The following SRRM4 variants were observed in gnomAD, a reference collection of about 807,000 sequenced individuals.
SRRM4 encodes the protein serine/arginine repetitive matrix 4.
SRRM4 carries 33 observed loss-of-function variants against 68.9 expected under a neutral mutation model. The observed-to-expected ratio is 0.48, with a 90% CI of 0.36 to 0.64. SRRM4 has a LOEUF of 0.64. Ranked by LOEUF, SRRM4 falls within the 30% of genes least tolerant of loss-of-function variation. The pLI is 0.00. For synonymous variants in SRRM4, 318 were observed against 318.8 expected, an observed-to-expected ratio of 1.00 and a Z score of 0.03; for missense variants, 817 against 827.1, an observed-to-expected ratio of 0.99 and a Z score of 0.15.
chr12:119,127,681 T>C (rs967291387), intron 7 of SRRM4, among the ~76,000 whole-genome samples: 1 of 150,076 alleles, frequency 6.7e-6, no homozygotes, highest in Admixed American at 6.6e-5. Flanking sequence ...TGAGCCAAGA[T>C]TGCACCATTG....
intron 1 of SRRM4, among the ~76,000 whole-genome samples, chr12:119,016,481 G>GAAAAA (rs1473835287): frequency 6.8e-6 from 1 of 146,696 alleles, no homozygotes; most frequent in East Asian, 2.0e-4. Context: ...AAAAGAAAAA[G>GAAAAA]AAAAAATAGA....
At chr12:119,111,548 CTAA>C (rs1451355823) in intron 2 of SRRM4, among the ~76,000 whole-genome samples, 1 of 152,182 alleles carries the variant, frequency 6.6e-6, no homozygotes, top group Non-Finnish European at 1.5e-5. Flanking sequence ...AAGACACACT[CTAA>C]AAGATTTTTT....
At chr12:119,052,675 C>T (rs1296203623) in intron 1 of SRRM4, among the ~76,000 whole-genome samples, 1 of 152,068 alleles carries the variant, frequency 6.6e-6, no homozygotes, top group East Asian at 1.9e-4. Context: ...ACTACAGGCA[C>T]CCGCCACCAC....
chr12:118,997,132 A>G (rs75854073), intron 1 of SRRM4, among the ~76,000 whole-genome samples: 1,756 of 152,358 alleles, frequency 0.012, 29 homozygotes, highest in African/African-American at 0.04. Flanking sequence ...TTAACCATAC[A>G]TGCTCTTGAC....
chr12:119,156,924 A>C lies in SRRM4; in HGVS notation c.*126A>C, dbSNP rs1954477861. 8.1e-7 allele frequency: 1 copy of C among 1,229,902 alleles called. No individual in the cohort carries two copies. The highest frequency in any genetic ancestry group is 1.5e-5 in the African/African-American group (1 of 65,616). The allele number at this position is 1,229,902 out of a possible 1,614,324, so 76.2% of individuals were successfully genotyped here. ...TATACCTTGTCCTTCCTGCTTGCCT[A>C]GGGGAAGAGGAGAAGAGGGTAAGGG... On this transcript the variant is annotated 3_prime_UTR_variant, in exon 13 of 13. Transcript: ENST00000267260.
chr12:119,161,850 A>G lies in SRRM4; in HGVS notation c.*5052A>G, dbSNP rs1954516070. On this transcript the variant is annotated 3_prime_UTR_variant, in exon 13 of 13. Coordinates refer to ENST00000267260, the MANE Select transcript of SRRM4 (RefSeq NM_194286.4). ...TAATGGAAGAATAAAATGCCTACAC[A>G]TGAACCAACTTCTATTAAAAAGTCA... 6.6e-6 allele frequency: 1 copy of G among 152,422 alleles called. No individual in the cohort carries two copies. The highest frequency in any genetic ancestry group is 2.4e-5 in the African/African-American group (1 of 41,462). 9.4% of individuals were successfully genotyped at this position (152,422 alleles called of 1,614,324 possible).
At chr12:119,093,724 C>T (rs1721533591) in intron 1 of SRRM4, among the ~76,000 whole-genome samples, 1 of 152,184 alleles carries the variant, frequency 6.6e-6, no homozygotes, top group African/African-American at 2.4e-5. Flanking sequence ...CCCAGCATCA[C>T]CTAATTACCT....
chr12:119,040,609 T>A (rs1467146912), intron 1 of SRRM4, among the ~76,000 whole-genome samples: 1 of 152,206 alleles, frequency 6.6e-6, no homozygotes, highest in African/African-American at 2.4e-5. Context: ...TTGATTTGGG[T>A]TGGTTCTATG....
chr12:119,094,985 A>G (rs1385713699), intron 1 of SRRM4, among the ~76,000 whole-genome samples: 1 of 152,232 alleles, frequency 6.6e-6, no homozygotes, highest in Admixed American at 6.5e-5. Context: ...TAAAATGAAC[A>G]TTACTGCCCC....
intron 1 of SRRM4, among the ~76,000 whole-genome samples, chr12:119,074,385 T>C (rs1264862088): frequency 1.3e-5 from 2 of 152,200 alleles, no homozygotes; most frequent in African/African-American, 4.8e-5. Context: ...AGCACCATCT[T>C]TGTGAGCCAA....
chr12:119,075,092 A>C (rs995414915), intron 1 of SRRM4, among the ~76,000 whole-genome samples: 1 of 152,202 alleles, frequency 6.6e-6, no homozygotes, highest in African/African-American at 2.4e-5. Flanking sequence ...GTAAGGTCTG[A>C]TGGATCAGGT....
intron 1 of SRRM4, among the ~76,000 whole-genome samples, chr12:119,082,296 A>AC (rs1158384852): frequency 1.3e-5 from 2 of 150,746 alleles, no homozygotes; most frequent in African/African-American, 4.9e-5. Flanking sequence ...ATGTAAAGCC[A>AC]CCCCCCATCC....
intron 1 of SRRM4, among the ~76,000 whole-genome samples, chr12:119,056,509 C>G (rs1395614646): frequency 6.6e-6 from 1 of 152,176 alleles, no homozygotes; most frequent in East Asian, 1.9e-4. Context: ...TTGCTGTGAC[C>G]TGCAAGGCAT....
At chr12:119,016,464 A>G (rs190082713) in intron 1 of SRRM4, among the ~76,000 whole-genome samples, 10 of 136,216 alleles carry the variant, frequency 7.3e-5, no homozygotes, top group Admixed American at 5.2e-4. Flanking sequence ...TAAAAAAAAA[A>G]AAAAGAAAAA....
chr12:119,145,293 C>T, intron 8 of SRRM4, 88 bp from the exon 9 acceptor site: 2 of 1,116,862 alleles, frequency 1.8e-6, no homozygotes, highest in Non-Finnish European at 2.5e-6. Flanking sequence ...CGTTACAGTG[C>T]ATCATGACGG....
At chr12:119,100,044 C>T (rs1954068643) in intron 1 of SRRM4, among the ~76,000 whole-genome samples, 1 of 152,174 alleles carries the variant, frequency 6.6e-6, no homozygotes. Context: ...AGAACACATT[C>T]TAAACCACCC....
Position 119,156,448 on chromosome 12 carries a change from G to A in SRRM4, c.1533-47G>A, listed in dbSNP as rs1018588306. ...ACAAGACTGGGGCTCGCTGCGGGGA[G>A]GCACGGAGGGGCCGGCCCTCATCCC... On this transcript the variant is annotated intron_variant, in intron 12 of 12. Transcript: ENST00000267260. 3.3e-6 allele frequency: 5 copies of A among 1,527,666 alleles called. No individual in the cohort carries two copies. In the African/African-American group the frequency reaches 6.9e-5, roughly 21 times the overall value. The allele number at this position is 1,527,666 out of a possible 1,614,324, so 94.6% of individuals were successfully genotyped here.
intron 10 of SRRM4, among the ~76,000 whole-genome samples, chr12:119,152,877 A>G (rs1203198990): frequency 6.6e-6 from 1 of 152,242 alleles, no homozygotes; most frequent in Non-Finnish European, 1.5e-5. Context: ...GATGCACAAC[A>G]ATATAGTCTA....
At chr12:119,075,342 TG>T (rs1489691975) in intron 1 of SRRM4, among the ~76,000 whole-genome samples, 4 of 152,140 alleles carry the variant, frequency 2.6e-5, no homozygotes, top group Non-Finnish European at 4.4e-5. Flanking sequence ...GCATGGGATC[TG>T]GACTGGATGA....
Sources: allele counts gnomAD v4.1 joint callset (sites outside exome capture counted in the v4.1 genomes callset), GRCh38; gene constraint gnomAD v4.1.1; transcripts MANE v1.5; gene names NCBI Gene and HGNC (gene_info 2026-07-23, HGNC 2026-07-21).